The following RAC2 variants were observed in gnomAD, a reference collection of about 807,000 sequenced individuals.
RAC2 encodes the protein Rac family small GTPase 2, also known as ras-related C3 botulinum toxin substrate 2.
A neutral mutation model predicts 24.0 loss-of-function variants in RAC2; 1 was observed. The observed-to-expected ratio is 0.04, with a 90% confidence interval of 0.01 to 0.20. RAC2 has a LOEUF of 0.20. Ranked by LOEUF, RAC2 falls within the 10% of genes least tolerant of loss-of-function variation. The pLI is 1.00. For missense variants in RAC2, 130 were observed against 259.1 expected, an observed-to-expected ratio of 0.50 and a Z score of 3.42; for synonymous variants, 114 against 106.8, an observed-to-expected ratio of 1.07 and a Z score of -0.41.
chr22:37,231,994 C>G lies in RAC2; in HGVS notation c.226G>C (p.Asp76His). The change falls in exon 4 of 7, where the codon GAC becomes CAC. Residue 76 changes from aspartate to histidine, a missense_variant and splice_region_variant. By Grantham distance (81) the Asp-to-His change is moderately conservative (BLOSUM62 -1). Coordinates refer to ENST00000249071, the MANE Select transcript of RAC2 (RefSeq NM_002872.5). This position sits in a 1 kb window ranked among gnomAD's most constrained non-coding sequence, Gnocchi z 5.5. ...RLRPLSYPQT[D>H]VFLICFSLVS... is the part of the protein sequence containing the mutation. The stretch of plus-strand genomic sequence containing the variant: ...AGGGAGAAGCAGATGAGGAAGACGT[C>G]CTGGGGACAGAGCAAGCGAGGTTGC... 6.5e-7 allele frequency: 1 copy of G among 1,540,988 alleles called. No homozygotes were observed. The highest frequency in any genetic ancestry group is 1.2e-5 in the South Asian group (1 of 83,724).
chr22:37,240,218 C>T (rs902686813), intron 2 of RAC2, among the ~76,000 whole-genome samples: 1 of 152,194 alleles, frequency 6.6e-6, no homozygotes, highest in Non-Finnish European at 1.5e-5. Context: ...GCTCCAGGCT[C>T]TCTTCTCCCT....
At chr22:37,226,928 C>A in intron 5 of RAC2, 125 bp from the exon 6 acceptor site, 2 of 1,141,594 alleles carry the variant, frequency 1.8e-6, no homozygotes, top group Non-Finnish European at 2.5e-6. Context: ...ACACCCCTCC[C>A]ACGCCATACA....
At position 37,226,662 on chromosome 22, in the gene RAC2, G is replaced by T. The variant is rs750951037; in HGVS notation, c.*2+9C>A. 6.2e-6 allele frequency: 10 copies of T among 1,612,138 alleles called. No homozygotes were observed. Among genetic ancestry groups the T allele is most frequent in the South Asian group, 1.1e-5 (1 of 90,952 alleles). ...ATGGGAGTTGGGCACTAGAGTGGGG[G>T]ACTCTTACCCCTAGAGGAGGCTGCA... On this transcript the variant is annotated intron_variant, in intron 6 of 6. Transcript: ENST00000249071.
At chr22:37,239,940 C>T (rs916375752) in intron 2 of RAC2, among the ~76,000 whole-genome samples, 1 of 152,168 alleles carries the variant, frequency 6.6e-6, no homozygotes, top group African/African-American at 2.4e-5. Flanking sequence ...AATCCTTGTT[C>T]CCATTTTGTA....
intron 2 of RAC2, among the ~76,000 whole-genome samples, chr22:37,238,720 C>T (rs1429208312): frequency 2.6e-5 from 4 of 152,146 alleles, no homozygotes; most frequent in Non-Finnish European, 4.4e-5. Flanking sequence ...TCCCCATCTG[C>T]GAAACGGGGG....
intron 5 of RAC2, among the ~76,000 whole-genome samples, chr22:37,228,568 G>A (rs971518887): frequency 2.0e-5 from 3 of 152,270 alleles, no homozygotes; most frequent in African/African-American, 7.2e-5. Flanking sequence ...TTGCTTCTCT[G>A]TGGCAGGATG....
intron 2 of RAC2, among the ~76,000 whole-genome samples, chr22:37,239,212 A>C (rs1368735946): frequency 6.6e-6 from 1 of 152,170 alleles, no homozygotes; most frequent in African/African-American, 2.4e-5. Flanking sequence ...AAGCCATATG[A>C]GGGTGTGAGG....
In RAC2 at chr22:37,226,851, G is replaced by T. The variant is rs200215350; in HGVS notation, c.449-48C>A. 171 of 1,426,000 alleles carry T rather than the reference G, an allele frequency of 1.2e-4. 5 individuals carry two copies. In the African/African-American group the frequency reaches 2.1e-3, roughly 17 times the overall value. 88.3% of individuals were successfully genotyped at this position (1,426,000 alleles called of 1,614,324 possible). On this transcript the variant is annotated intron_variant, in intron 5 of 6. Coordinates refer to ENST00000249071, the MANE Select transcript of RAC2 (RefSeq NM_002872.5). ...GAGCCAAGGCCTAAGTGGCGGGGGG[G>T]GTTCTGGGCCAACATGTCTCCTATG...
Position 37,231,399 on chromosome 22 carries a change from G to A in RAC2, c.289-9C>T. On this transcript the variant is annotated splice_polypyrimidine_tract_variant and intron_variant, in intron 4 of 6. Transcript: ENST00000249071. The surrounding 1 kb of genome is among the most constrained non-coding windows in gnomAD (Gnocchi z 5.5). ...CGCACTTCTGGGAACCACTGGGCAG[G>A]TGGGTGGGGGGACACAAGGTTGTAT... is the stretch of plus-strand genomic sequence containing the variant. The A allele has an allele frequency of 6.2e-7, 1 of 1,613,990 alleles. No homozygotes were observed.
chr22:37,231,462 G>T lies in RAC2; in HGVS notation c.289-72C>A. 1 of 1,435,784 alleles carries T rather than the reference G, an allele frequency of 7.0e-7. No individual in the cohort carries two copies. Among genetic ancestry groups the T allele is most frequent in the South Asian group, 1.1e-5 (1 of 87,360 alleles). 88.9% of individuals were successfully genotyped at this position (1,435,784 alleles called of 1,614,324 possible). A position where few individuals can be genotyped will look rare whatever the true frequency, so the allele number is the denominator to read the frequency against. ...GGCGCGAGGCTGTGCGGGGATCAGA[G>T]GGAGTGTGAGGGTGTAGGGAGAGGA... On this transcript the variant is annotated intron_variant, in intron 4 of 6. Coordinates refer to ENST00000249071, the MANE Select transcript of RAC2 (RefSeq NM_002872.5). The surrounding 1 kb of genome is among the most constrained non-coding windows in gnomAD (Gnocchi z 5.5).
chr22:37,230,829 C>T (rs199904054), intron 5 of RAC2, among the ~76,000 whole-genome samples: 57 of 152,234 alleles, frequency 3.7e-4, no homozygotes, highest in African/African-American at 1.3e-3. Context: ...TCCAAGCAAC[C>T]ACAGCACCCC....
In RAC2 at chr22:37,231,567, G is replaced by A. The variant is rs1351359783; in HGVS notation, c.289-177C>T. 2 of 634,912 alleles carry A rather than the reference G, an allele frequency of 3.2e-6. No individual in the cohort carries two copies. The highest frequency in any genetic ancestry group is 5.5e-6 in the Non-Finnish European group (2 of 362,298). 39.3% of individuals were successfully genotyped at this position (634,912 alleles called of 1,614,324 possible). A position where few individuals can be genotyped will look rare whatever the true frequency, so the allele number is the denominator to read the frequency against. ...ACGTGAGGTGGCACAGGGAGGGGAGGCCACGACGTTGTGCAGGAAGGAGGG... is the reference window on the plus strand; with the variant it reads ...ACGTGAGGTGGCACAGGGAGGGGAGACCACGACGTTGTGCAGGAAGGAGGG... On this transcript the variant is annotated intron_variant, in intron 4 of 6. Coordinates refer to ENST00000249071, the MANE Select transcript of RAC2 (RefSeq NM_002872.5). This position sits in a 1 kb window ranked among gnomAD's most constrained non-coding sequence, Gnocchi z 5.5.
chr22:37,228,491 C>T (rs933845135), intron 5 of RAC2, among the ~76,000 whole-genome samples: 19 of 152,246 alleles, frequency 1.2e-4, no homozygotes, highest in South Asian at 4.1e-4. Context: ...GCCTGGGGGC[C>T]GATGTCAGAA....
intron 2 of RAC2, among the ~76,000 whole-genome samples, chr22:37,233,938 C>T (rs1442280149): frequency 6.6e-6 from 1 of 152,140 alleles, no homozygotes; most frequent in Non-Finnish European, 1.5e-5. Flanking sequence ...CCAGAGTGTG[C>T]GTGAAAGCTG....
chr22:37,241,057 G>C (rs1927373228), intron 2 of RAC2: 1 of 728,612 alleles, frequency 1.4e-6, no homozygotes. Flanking sequence ...GGAGGGGCTG[G>C]TGCCTCCCCA....
At chr22:37,243,408 C>A (rs935709817) in intron 1 of RAC2, among the ~76,000 whole-genome samples, 1 of 152,074 alleles carries the variant, frequency 6.6e-6, no homozygotes, top group East Asian at 1.9e-4. Context: ...CCTGCCCCTC[C>A]CCTGCCGACC....
intron 5 of RAC2, among the ~76,000 whole-genome samples, chr22:37,228,288 C>A (rs1926946529): frequency 6.6e-6 from 1 of 152,218 alleles, no homozygotes; most frequent in African/African-American, 2.4e-5. Flanking sequence ...CCAGCCTTCT[C>A]CCACATGAAG....
intron 5 of RAC2, among the ~76,000 whole-genome samples, chr22:37,229,198 CG>C (rs1488124426): frequency 6.6e-6 from 1 of 152,184 alleles, no homozygotes; most frequent in Non-Finnish European, 1.5e-5. Context: ...TCCCCCTCTC[CG>C]GGCCTCAGTC....
chr22:37,233,625 G>C (rs1041390423), intron 2 of RAC2, among the ~76,000 whole-genome samples: 1 of 152,234 alleles, frequency 6.6e-6, no homozygotes, highest in African/African-American at 2.4e-5. Context: ...CTCAGGCTGG[G>C]TCCCCCCAGA....
Sources: allele counts gnomAD v4.1 joint callset (sites outside exome capture counted in the v4.1 genomes callset), GRCh38; gene constraint gnomAD v4.1.1; non-coding constraint Gnocchi (gnomAD v3.1); transcripts MANE v1.5; gene names NCBI Gene and HGNC (gene_info 2026-07-23, HGNC 2026-07-21).